The following CRBN variants were observed in gnomAD, a reference collection of about 807,000 sequenced individuals.
CRBN encodes cereblon, also known as protein cereblon.
In CRBN, 53 loss-of-function variants were observed where a neutral mutation model predicts 62.2. That is an observed-to-expected ratio of 0.85 (90% CI 0.68 to 1.07). The LOEUF is 1.07. Ranked by LOEUF, CRBN falls within the 50% of genes least tolerant of loss-of-function variation. CRBN has a pLI of 0.00. For synonymous variants in CRBN, 208 were observed against 176.1 expected (o/e 1.18, Z -1.43); for missense variants, 616 against 531.1 (o/e 1.16, Z -1.57).
At chr3:3,156,501 A>G in intron 5 of CRBN, 1 of 557,146 alleles carries the variant, frequency 1.8e-6, no homozygotes, top group Non-Finnish European at 3.2e-6. Context: ...CTTCATTCCT[A>G]TTTAAAAAGG....
chr3:3,165,179 T>C (rs1196726161), intron 5 of CRBN, among the ~76,000 whole-genome samples: 1 of 152,200 alleles, frequency 6.6e-6, no homozygotes, highest in Non-Finnish European at 1.5e-5. Context: ...GAGTTGCTTC[T>C]TATGGATGAG....
intron 9 of CRBN, 150 bp from the exon 10 acceptor site, chr3:3,152,737 A>T: frequency 1.0e-6 from 1 of 967,686 alleles, no homozygotes; most frequent in South Asian, 1.5e-5. Context: ...GGATCTTAGT[A>T]TGAAAATGGG....
At position 3,150,159 on chromosome 3, in the gene CRBN, GA is replaced by G. The variant is rs1027904023; in HGVS notation, c.*705del. 1 of 152,148 alleles carries G rather than the reference GA, an allele frequency of 6.6e-6. No homozygotes were observed. Among genetic ancestry groups the G allele is most frequent in the East Asian group, 1.9e-4 (1 of 5,176 alleles). The allele number at this position is 152,148 out of a possible 1,614,324, so 9.4% of individuals were successfully genotyped here. ...GTAGTTTTGGTTCAAATTAATTTTT[GA>G]AAAATAGCTTTTGTATGGAACAGTA... On this transcript the variant is annotated 3_prime_UTR_variant, in exon 11 of 11. Transcript: ENST00000231948.
chr3:3,155,091 C>T (rs762462953), intron 6 of CRBN: 1 of 502,008 alleles, frequency 2.0e-6, no homozygotes, highest in Non-Finnish European at 3.6e-6. Context: ...GCAGATTGTT[C>T]TGTTCTATGC....
chr3:3,159,203 CAT>C (rs570895656), intron 5 of CRBN, among the ~76,000 whole-genome samples: 370 of 152,228 alleles, frequency 2.4e-3, no homozygotes, highest in Non-Finnish European at 4.6e-3. Flanking sequence ...CAGTGCCTAA[CAT>C]GTGTCAGGCT....
At chr3:3,157,088 T>C (rs926653304) in intron 5 of CRBN, among the ~76,000 whole-genome samples, 4 of 152,204 alleles carry the variant, frequency 2.6e-5, no homozygotes, top group African/African-American at 9.6e-5. Flanking sequence ...AAAGTTCGTT[T>C]GGAAACATAA....
chr3:3,154,758 G>A lies in CRBN; in HGVS notation c.824C>T (p.Ser275Leu). The A allele has an allele frequency of 6.3e-7, 1 of 1,590,028 alleles. No individual in the cohort carries two copies. The highest frequency in any genetic ancestry group is 8.6e-7 in the Non-Finnish European group (1 of 1,158,306). The change falls in exon 7 of 11, where the codon TCA becomes TTA. Residue 275 changes from serine (S) to leucine (L), a missense_variant. Ser to Leu is a moderately radical substitution (Grantham distance 145). Transcript: ENST00000231948. ...DENLKDDSLP[S>L]NPIDFSYRVA... is the part of the protein sequence containing the mutation. Reference sequence around the variant, plus strand: ...CTAACTTTTCATACCTATTGGATTTGAAGGAAGAGAATCATCTTTTAGATT... The same window carrying A: ...CTAACTTTTCATACCTATTGGATTTAAAGGAAGAGAATCATCTTTTAGATT...
intron 5 of CRBN, among the ~76,000 whole-genome samples, chr3:3,163,302 G>A (rs576816574): frequency 3.9e-5 from 6 of 152,230 alleles, no homozygotes; most frequent in South Asian, 2.1e-4. Flanking sequence ...CCTTAGCATC[G>A]TCTCTTTAGC....
intron 10 of CRBN, among the ~76,000 whole-genome samples, chr3:3,152,051 G>T (rs1017643009): frequency 1.3e-5 from 2 of 152,098 alleles, no homozygotes; most frequent in Non-Finnish European, 2.9e-5. Flanking sequence ...GAGGACAACT[G>T]CAGTTGTCAA....
rs1279805729 is a variant in CRBN, at chr3:3,165,094, AAG to A, written c.687+2538_687+2539del. On this transcript the variant is annotated intron_variant, in intron 5 of 10. Coordinates refer to ENST00000231948, the MANE Select transcript of CRBN (RefSeq NM_016302.4). ...TAACTGCAGATGTGACAGAAACAAA[AAG>A]AGAACTAAAGTTAGAAGTGGAACCC... 2.0e-5 allele frequency among the ~76,000 whole-genome samples: 3 copies of A among 152,188 alleles called. No individual in the cohort carries two copies. In the East Asian group the frequency reaches 5.8e-4, roughly 29 times the overall value.
chr3:3,150,770 A>G lies in CRBN; in HGVS notation c.*95T>C. The G allele has an allele frequency of 8.5e-7, 1 of 1,179,786 alleles. No individual in the cohort carries two copies. Among genetic ancestry groups the G allele is most frequent in the Non-Finnish European group, 1.2e-6 (1 of 819,434 alleles). The allele number at this position is 1,179,786 out of a possible 1,614,324, so 73.1% of individuals were successfully genotyped here. A position where few individuals can be genotyped will look rare whatever the true frequency, so the allele number is the denominator to read the frequency against. On this transcript the variant is annotated 3_prime_UTR_variant, in exon 11 of 11. Coordinates refer to ENST00000231948, the MANE Select transcript of CRBN (RefSeq NM_016302.4). ...TTATGTTTACTTAGGTATTAATGTT[A>G]TGTTTACTTAGGTATGTATCAGAGG...
At position 3,167,370 on chromosome 3, in the gene CRBN, G is replaced by A; in HGVS notation, c.687+264C>T. 9.0e-6 allele frequency: 3 copies of A among 334,978 alleles called. No homozygotes were observed. In the South Asian group the frequency reaches 1.0e-4, roughly 12 times the overall value. 20.8% of individuals were successfully genotyped at this position (334,978 alleles called of 1,614,324 possible). ...CATAGTTTAATAAGCATTTCCCATG[G>A]AATTAAAAATCAAAAGCGATTAATA... On this transcript the variant is annotated intron_variant, in intron 5 of 10. Transcript: ENST00000231948.
intron 7 of CRBN, 144 bp downstream of exon 7, chr3:3,154,603 G>C (rs1706799443): frequency 3.1e-6 from 2 of 645,076 alleles, no homozygotes; most frequent in African/African-American, 3.7e-5. Context: ...TTTTTCAACT[G>C]CTCAAAGGAA....
Position 3,150,222 on chromosome 3 carries a change from C to T in CRBN, c.*643G>A, listed in dbSNP as rs1706412983. On this transcript the variant is annotated 3_prime_UTR_variant, in exon 11 of 11. Transcript: ENST00000231948. ...ATAGTTCAGATACTGAGCAAATACA[C>T]AATACTACTTTTTACTAACAGGCAC... 1 of 152,296 alleles carries T rather than the reference C, an allele frequency of 6.6e-6. No homozygotes were observed. The allele number at this position is 152,296 out of a possible 1,614,324, so 9.4% of individuals were successfully genotyped here. A position where few individuals can be genotyped will look rare whatever the true frequency, so the allele number is the denominator to read the frequency against.
chr3:3,175,284 T>C lies in CRBN; in HGVS notation c.68-15A>G, dbSNP rs1707786728. The stretch of plus-strand genomic sequence containing the variant: ...CTCACTCTCTGCTATAAAAGTAGAA[T>C]ATTGTAAGAAAAAAAAAAAGATGAA... On this transcript the variant is annotated splice_polypyrimidine_tract_variant and intron_variant, in intron 1 of 10. Coordinates refer to ENST00000231948, the MANE Select transcript of CRBN (RefSeq NM_016302.4). 1 of 1,528,194 alleles carries C rather than the reference T, an allele frequency of 6.5e-7. No individual in the cohort carries two copies. The highest frequency in any genetic ancestry group is 9.0e-7 in the Non-Finnish European group (1 of 1,105,430). The allele number at this position is 1,528,194 out of a possible 1,614,324, so 94.7% of individuals were successfully genotyped here.
At chr3:3,158,325 T>C (rs1435345537) in intron 5 of CRBN, among the ~76,000 whole-genome samples, 1 of 152,210 alleles carries the variant, frequency 6.6e-6, no homozygotes, top group African/African-American at 2.4e-5. Flanking sequence ...CACCACCGGC[T>C]GTGCGTCCCG....
intron 2 of CRBN, among the ~76,000 whole-genome samples, 185 bp downstream of exon 2, chr3:3,174,978 A>AC (rs1472698581): frequency 6.6e-6 from 1 of 152,228 alleles, no homozygotes; most frequent in Non-Finnish European, 1.5e-5. Context: ...AAACAATTCT[A>AC]CCACAACATA....
At chr3:3,158,612 G>T (rs1020847154) in intron 5 of CRBN, among the ~76,000 whole-genome samples, 10 of 152,164 alleles carry the variant, frequency 6.6e-5, no homozygotes, top group South Asian at 2.1e-4. Flanking sequence ...GAACAGCAAT[G>T]GCAACCATTA....
chr3:3,174,183 G>A lies in CRBN; in HGVS notation c.253C>T (p.Pro85Ser). The A allele has an allele frequency of 1.2e-6, 2 of 1,614,152 alleles. No individual in the cohort carries two copies. Among genetic ancestry groups the A allele is most frequent in the Non-Finnish European group, 1.7e-6 (2 of 1,180,022 alleles). The change falls in exon 3 of 11, where the codon CCA becomes TCA. Residue 85 changes from proline (P) to serine (S), a missense_variant. Pro to Ser is a moderately conservative substitution (Grantham distance 74). Coordinates refer to ENST00000231948, the MANE Select transcript of CRBN (RefSeq NM_016302.4). ...GGAATCAGGATCATCATCACTTGTGGAAGAACTGGAATCACCTGACAGCTG... is the reference window on the plus strand; with the variant it reads ...GGAATCAGGATCATCATCACTTGTGAAAGAACTGGAATCACCTGACAGCTG... ...DDSCQVIPVL[P>S]QVMMILIPGQ...
Sources: allele counts gnomAD v4.1 joint callset (sites outside exome capture counted in the v4.1 genomes callset), GRCh38; gene constraint gnomAD v4.1.1; transcripts MANE v1.5; gene names NCBI Gene and HGNC (gene_info 2026-07-23, HGNC 2026-07-21).